Variants in SEC14L3 observed in about 807,000 individuals in gnomAD.
The protein encoded by SEC14L3 is SEC14-like protein 3.
In SEC14L3, 56 loss-of-function variants were observed where a neutral mutation model predicts 57.4. The observed-to-expected ratio is 0.97, with a 90% confidence interval of 0.79 to 1.22. SEC14L3 has a LOEUF of 1.22. SEC14L3 is among the 50% of genes most tolerant of loss of function. The pLI, the probability that SEC14L3 is intolerant of heterozygous loss-of-function variation, is 0.00. For missense variants in SEC14L3, 485 were observed against 511.7 expected, an observed-to-expected ratio of 0.95 and a Z score of 0.50; for synonymous variants, 173 against 194.4, an observed-to-expected ratio of 0.89 and a Z score of 0.92.
chr22:30,461,846 T>C (rs1444326438), intron 9 of SEC14L3, 152 bp from the exon 10 acceptor site: 24 of 1,146,418 alleles, frequency 2.1e-5, no homozygotes, highest in Non-Finnish European at 3.0e-5. Flanking sequence ...CCCTCCAAAC[T>C]GGGCCAGTGC....
intron 11 of SEC14L3, among the ~76,000 whole-genome samples, chr22:30,460,547 G>T (rs954544120): frequency 4.6e-5 from 7 of 152,152 alleles, no homozygotes; most frequent in African/African-American, 1.4e-4. Context: ...CAAAAAGCAG[G>T]TGTTGGCCGG....
At chr22:30,462,057 C>T in intron 9 of SEC14L3, 29 bp downstream of exon 9, 24 of 1,608,918 alleles carry the variant, frequency 1.5e-5, no homozygotes, top group Non-Finnish European at 2.0e-5. Flanking sequence ...TCTTGAACCT[C>T]TCTTGTCCCA....
At chr22:30,469,251 C>T (rs182130363) in intron 4 of SEC14L3, among the ~76,000 whole-genome samples, 114 of 151,354 alleles carry the variant, frequency 7.5e-4, no homozygotes, top group Non-Finnish European at 1.1e-3. Flanking sequence ...TTCAAGGCTG[C>T]AGTGAGCCAT....
downstream of SEC14L3, among the ~76,000 whole-genome samples, chr22:30,455,483 G>A (rs1486334053): frequency 6.6e-6 from 1 of 151,614 alleles, no homozygotes; most frequent in East Asian, 1.9e-4. Flanking sequence ...ACCTCAAGTG[G>A]TCCAGCTGCC....
chr22:30,469,447 G>A (rs566785148), intron 4 of SEC14L3, among the ~76,000 whole-genome samples: 1 of 152,308 alleles, frequency 6.6e-6, no homozygotes, highest in African/African-American at 2.4e-5. Flanking sequence ...GGGACTGTTG[G>A]GGAAAGTCCC....
rs757722773 is a variant in SEC14L3 at position 30,467,056 on chromosome 22, T to G, written c.445A>C (p.Ile149Leu). 1.9e-6 allele frequency: 3 copies of G among 1,613,886 alleles called. No homozygotes were observed. In the African/African-American group the frequency reaches 4.0e-5, roughly 22 times the overall value. ...CCCTCACAGTCAAATATCATCACGA[T>G]GGTCTCAATCTTCTTCCCTAGCTGC... ...TERLGKKIET[I>L]VMIFDCEGLG... is the part of the protein sequence containing the mutation. Residue 149 changes from isoleucine to leucine, a missense_variant, in exon 6 of 12, where the codon ATC becomes CTC. By Grantham distance (5) the Ile-to-Leu change is conservative. Coordinates refer to ENST00000215812, the MANE Select transcript of SEC14L3 (RefSeq NM_174975.5).
rs1242754604 is a variant in SEC14L3, at chr22:30,459,303, G to A, written c.*718C>T. The A allele has an allele frequency of 1.0e-6, 1 of 985,288 alleles. No homozygotes were observed. Among genetic ancestry groups the A allele is most frequent in the African/African-American group, 1.7e-5 (1 of 57,234 alleles). 61.0% of individuals were successfully genotyped at this position (985,288 alleles called of 1,614,324 possible). ...TTCCAGGAAAGTCCCTAAAACATAA[G>A]CTATGTGCAACAAGGGAAGTGGGTT... On this transcript the variant is annotated 3_prime_UTR_variant, in exon 12 of 12. Coordinates refer to ENST00000215812, the MANE Select transcript of SEC14L3 (RefSeq NM_174975.5).
At chr22:30,463,399 G>A (rs1935327370) in intron 8 of SEC14L3, among the ~76,000 whole-genome samples, 1 of 152,186 alleles carries the variant, frequency 6.6e-6, no homozygotes, top group African/African-American at 2.4e-5. Flanking sequence ...GTGGTATTAA[G>A]GGGAAGACCA....
chr22:30,461,465 G>T lies in SEC14L3; in HGVS notation c.926C>A (p.Ser309Tyr). The T allele has an allele frequency of 6.2e-7, 1 of 1,613,702 alleles. No homozygotes were observed. Among genetic ancestry groups the T allele is most frequent in the Non-Finnish European group, 8.5e-7 (1 of 1,179,718 alleles). The change falls in exon 11 of 12, where the codon TCT becomes TAT. Residue 309 changes from serine (S) to tyrosine (Y), a missense_variant. Coordinates refer to ENST00000215812, the MANE Select transcript of SEC14L3 (RefSeq NM_174975.5). ...PGCVLRWQFS[S>Y]DGADIGFGVF... ...TCCGAAGCCGATGTCCGCACCATCA[G>T]ATGAGAACTGCCACCTGTCAGGGGG...
At chr22:30,456,794 G>C (rs8141805), downstream of SEC14L3, among the ~76,000 whole-genome samples, 106,319 of 152,140 alleles carry the variant, frequency 0.7, 38,212 homozygotes, top group African/African-American at 0.86. Flanking sequence ...GACTGGAGCT[G>C]AGCATCTAGA....
At chr22:30,462,686 G>A (rs1042918254) in intron 8 of SEC14L3, among the ~76,000 whole-genome samples, 1 of 151,866 alleles carries the variant, frequency 6.6e-6, no homozygotes, top group South Asian at 2.1e-4. Context: ...GCCTCCCAAA[G>A]TGTTGGGATT....
At chr22:30,466,912 G>T in intron 6 of SEC14L3, 70 bp downstream of exon 6, 1 of 1,442,332 alleles carries the variant, frequency 6.9e-7, no homozygotes, top group Non-Finnish European at 9.5e-7. Flanking sequence ...CTCTCAGTAA[G>T]CAGCTGGGTC....
At chr22:30,454,644 T>C (rs1264632610), downstream of SEC14L3, among the ~76,000 whole-genome samples, 10 of 108,654 alleles carry the variant, frequency 9.2e-5, no homozygotes, top group Non-Finnish European at 3.3e-5. Flanking sequence ...TTAGATATAA[T>C]CTATAATATT....
rs1044401812 is a variant in SEC14L3, at chr22:30,462,283, A to C, written c.665-91T>G. ...ACCAGGATGACCTGAACTGGGGGAG[A>C]AGCCCTATAGGAGGTAGGCTGCCAG... On this transcript the variant is annotated intron_variant, in intron 8 of 11. Coordinates refer to ENST00000215812, the MANE Select transcript of SEC14L3 (RefSeq NM_174975.5). 1.7e-5 allele frequency: 26 copies of C among 1,491,206 alleles called. No individual in the cohort carries two copies. In the African/African-American group the frequency reaches 3.4e-4, roughly 19 times the overall value. The allele number at this position is 1,491,206 out of a possible 1,614,324, so 92.4% of individuals were successfully genotyped here.
At chr22:30,447,738 G>A (rs537531782), downstream of SEC14L3, among the ~76,000 whole-genome samples, 142 of 152,262 alleles carry the variant, frequency 9.3e-4, 5 homozygotes, top group South Asian at 0.028. Flanking sequence ...GAGTGAGGAG[G>A]ACTTTGGAGC....
Position 30,461,624 on chromosome 22 carries a change from G to C in SEC14L3, c.842C>G (p.Ser281Trp). ...RDQVKTQYEH[S>W]VQINRGSSHQ... The stretch of plus-strand genomic sequence containing the variant: ...TGATGAGCCGCGGTTGATCTGCACC[G>C]AGTGCTCGTACTGAGTCTTCACCTG... The change falls in exon 10 of 12, where the codon TCG (serine) becomes TGG (tryptophan). Residue 281 changes from serine to tryptophan, a missense_variant. Physicochemically the swap from Ser to Trp is radical, Grantham distance 177. Coordinates refer to ENST00000215812, the MANE Select transcript of SEC14L3 (RefSeq NM_174975.5). 1 of 1,614,038 alleles carries C rather than the reference G, an allele frequency of 6.2e-7. No homozygotes were observed. Among genetic ancestry groups the C allele is most frequent in the Non-Finnish European group, 8.5e-7 (1 of 1,180,012 alleles).
chr22:30,463,241 T>G (rs1174562528), intron 8 of SEC14L3, among the ~76,000 whole-genome samples: 1 of 152,208 alleles, frequency 6.6e-6, no homozygotes, highest in Admixed American at 6.5e-5. Context: ...CTCTGCCTAA[T>G]CACCATGACC....
At position 30,471,698 on chromosome 22, in the gene SEC14L3, G is replaced by T. The variant is rs539308977; in HGVS notation, c.54+207C>A. On this transcript the variant is annotated intron_variant, in intron 1 of 11. Coordinates refer to ENST00000215812, the MANE Select transcript of SEC14L3 (RefSeq NM_174975.5). ...TGGGCACCACCCACGTTATTGCCTG[G>T]AAGTGGTGCTAGTCCCTCAACCCCC... 4.6e-5 allele frequency among the ~76,000 whole-genome samples: 7 copies of T among 152,356 alleles called. No homozygotes were observed. The South Asian group carries it at 1.5e-3, about 32-fold the overall frequency.
At chr22:30,458,746 G>A (rs371690762), downstream of SEC14L3, among the ~76,000 whole-genome samples, 11 of 152,250 alleles carry the variant, frequency 7.2e-5, no homozygotes, top group East Asian at 2.1e-3. Flanking sequence ...CATGGTGGCT[G>A]AGGCCTGTTA....
Sources: allele counts gnomAD v4.1 joint callset (sites outside exome capture counted in the v4.1 genomes callset), GRCh38; gene constraint gnomAD v4.1.1; transcripts MANE v1.5; gene names NCBI Gene and HGNC (gene_info 2026-07-23, HGNC 2026-07-21).